Variants in EPHA6 observed in about 807,000 individuals in gnomAD.
The protein encoded by EPHA6 is ephrin type-A receptor 6.
EPHA6 carries 50 observed loss-of-function variants against 112.0 expected under a neutral mutation model. The observed-to-expected ratio is 0.45, with a 90% confidence interval of 0.36 to 0.56. The LOEUF is 0.56. Ranked by LOEUF, EPHA6 falls within the 20% of genes least tolerant of loss-of-function variation. The pLI is 0.00. For missense variants in EPHA6, 1,280 were observed against 1,417.4 expected (o/e 0.90, Z 1.56); for synonymous variants, 529 against 490.7 (o/e 1.08, Z -1.03).
At chr3:96,911,913 T>TA (rs1464770822) in intron 2 of EPHA6, among the ~76,000 whole-genome samples, 2 of 152,084 alleles carry the variant, frequency 1.3e-5, no homozygotes, top group Non-Finnish European at 2.9e-5. Context: ...TGCTTTTTTT[T>TA]ACCTTCTATT....
At chr3:97,103,677 CT>C (rs2047477272) in intron 3 of EPHA6, among the ~76,000 whole-genome samples, 1 of 151,862 alleles carries the variant, frequency 6.6e-6, no homozygotes, top group South Asian at 2.1e-4. Context: ...TATTGTTGTT[CT>C]GTGAAAATGT....
intron 2 of EPHA6, among the ~76,000 whole-genome samples, chr3:96,973,853 C>T (rs1186571194): frequency 6.9e-6 from 1 of 144,084 alleles, no homozygotes; most frequent in Non-Finnish European, 1.5e-5. Flanking sequence ...AAAAGAACCT[C>T]TATATTATAT....
At chr3:97,183,721 A>G (rs1410027605) in intron 3 of EPHA6, among the ~76,000 whole-genome samples, 1 of 152,038 alleles carries the variant, frequency 6.6e-6, no homozygotes, top group Non-Finnish European at 1.5e-5. Flanking sequence ...GTGCACACTC[A>G]TAGATGTTCG....
At chr3:97,340,072 A>G (rs79787683) in intron 5 of EPHA6, among the ~76,000 whole-genome samples, 10 of 152,338 alleles carry the variant, frequency 6.6e-5, no homozygotes, top group African/African-American at 2.2e-4. Context: ...TAGATAAAAA[A>G]TTTTTGAGAT....
At chr3:97,605,647 G>T (rs181046807) in intron 12 of EPHA6, among the ~76,000 whole-genome samples, 15 of 151,714 alleles carry the variant, frequency 9.9e-5, no homozygotes, top group Non-Finnish European at 2.1e-4. Flanking sequence ...TTTGGTTACT[G>T]TTGCTTTATA....
chr3:97,348,562 A>G (rs2083648300), intron 5 of EPHA6, among the ~76,000 whole-genome samples: 1 of 152,170 alleles, frequency 6.6e-6, no homozygotes, highest in South Asian at 2.1e-4. Flanking sequence ...ATTTATTACT[A>G]TCATATTGAA....
At chr3:97,195,128 T>G (rs1360379844) in intron 3 of EPHA6, among the ~76,000 whole-genome samples, 1 of 152,044 alleles carries the variant, frequency 6.6e-6, no homozygotes, top group East Asian at 1.9e-4. Flanking sequence ...GTTTACAGCT[T>G]GTTTTGTGGT....
chr3:97,053,049 A>T (rs2045737209), intron 3 of EPHA6, among the ~76,000 whole-genome samples: 1 of 152,152 alleles, frequency 6.6e-6, no homozygotes, highest in African/African-American at 2.4e-5. Flanking sequence ...CCTTTACAGA[A>T]GTGTGACTGA....
At chr3:97,674,805 A>G (rs1456226911) in intron 14 of EPHA6, among the ~76,000 whole-genome samples, 1 of 152,222 alleles carries the variant, frequency 6.6e-6, no homozygotes, top group Non-Finnish European at 1.5e-5. Flanking sequence ...TTGTAAGCCA[A>G]TGGCTCTACA....
chr3:96,815,539 T>C (rs2032710188), intron 1 of EPHA6, among the ~76,000 whole-genome samples: 1 of 152,110 alleles, frequency 6.6e-6, no homozygotes, highest in Non-Finnish European at 1.5e-5. Flanking sequence ...GTAGACTTAC[T>C]CGAAATTCTT....
At chr3:97,576,380 TA>T (rs1212107648) in intron 11 of EPHA6, among the ~76,000 whole-genome samples, 1 of 152,140 alleles carries the variant, frequency 6.6e-6, no homozygotes, top group Non-Finnish European at 1.5e-5. Context: ...TGTCATCCAC[TA>T]AAGAGTTACA....
chr3:97,714,392 C>T (rs1292133156), intron 14 of EPHA6, among the ~76,000 whole-genome samples: 1 of 152,062 alleles, frequency 6.6e-6, no homozygotes, highest in East Asian at 1.9e-4. Flanking sequence ...AAACTTTCTT[C>T]AAGTAAAGAC....
At chr3:97,650,136 A>G (rs2107605457) in intron 14 of EPHA6, among the ~76,000 whole-genome samples, 1 of 152,244 alleles carries the variant, frequency 6.6e-6, no homozygotes, top group South Asian at 2.1e-4. Context: ...AACACACATA[A>G]CAAACGGGAG....
At chr3:97,059,434 T>A (rs2045950339) in intron 3 of EPHA6, among the ~76,000 whole-genome samples, 1 of 152,162 alleles carries the variant, frequency 6.6e-6, no homozygotes, top group South Asian at 2.1e-4. Flanking sequence ...TTGAAATTCC[T>A]GCAAGATGTT....
intron 12 of EPHA6, among the ~76,000 whole-genome samples, chr3:97,600,261 C>T (rs1375545879): frequency 6.7e-6 from 1 of 148,758 alleles, no homozygotes; most frequent in Non-Finnish European, 1.5e-5. Context: ...CCTTTATTTC[C>T]TTCTCCTGCC....
At chr3:96,952,889 A>T (rs997079841) in intron 2 of EPHA6, among the ~76,000 whole-genome samples, 1 of 152,222 alleles carries the variant, frequency 6.6e-6, no homozygotes, top group South Asian at 2.1e-4. Context: ...GAGGGAGAGG[A>T]TTAGGAAAAA....
At position 96,938,073 on chromosome 3, in the gene EPHA6, A is replaced by G. The variant is rs572441296; in HGVS notation, c.451-49257A>G. 3.2e-4 allele frequency among the ~76,000 whole-genome samples: 48 copies of G among 151,638 alleles called. 1 individual carries two copies. In the East Asian group the frequency reaches 9.0e-3, roughly 28 times the overall value. On this transcript the variant is annotated intron_variant, in intron 2 of 17. Coordinates refer to ENST00000389672, the MANE Select transcript of EPHA6 (RefSeq NM_001080448.3). ...TCCAGCTTTGTTCTTTTGGCTTAGGATTGACTTGGTGATGCGGGCTCTTTT... is the reference window on the plus strand; with the variant it reads ...TCCAGCTTTGTTCTTTTGGCTTAGGGTTGACTTGGTGATGCGGGCTCTTTT...
Position 97,198,948 on chromosome 3 carries a change from C to T in EPHA6, c.1115-27316C>T, listed in dbSNP as rs555096406. Among the ~76,000 whole-genome samples, 3 of 152,218 alleles carry T rather than the reference C, an allele frequency of 2.0e-5. No homozygotes were observed. The South Asian group carries it at 6.2e-4, about 32-fold the overall frequency. On this transcript the variant is annotated intron_variant, in intron 3 of 17. Coordinates refer to ENST00000389672, the MANE Select transcript of EPHA6 (RefSeq NM_001080448.3). ...GCATTTACTTGACATGCTCTCATGG[C>T]ATTCTTTCTCTCCAGTTTCCCAAGT...
intron 5 of EPHA6, among the ~76,000 whole-genome samples, chr3:97,354,772 G>C (rs1184956609): frequency 2.0e-5 from 3 of 152,084 alleles, no homozygotes; most frequent in African/African-American, 7.2e-5. Context: ...AGAACACCAA[G>C]CAGGTTTAAC....
Sources: gnomAD v4.1 joint callset for allele counts (sites outside exome capture counted in the v4.1 genomes callset) on GRCh38, gnomAD v4.1.1 for gene constraint, MANE v1.5 for transcripts, NCBI Gene and HGNC (gene_info 2026-07-23, HGNC 2026-07-21) for gene names.